Variants in RAD51B observed in about 807,000 individuals in gnomAD.
The protein encoded by RAD51B is DNA repair protein RAD51 homolog 2.
Under a neutral mutation model 42.2 loss-of-function variants are expected in RAD51B, and 38 were observed. That is an observed-to-expected ratio of 0.90 (90% CI 0.70 to 1.18). The LOEUF is 1.18. Among genes scored for constraint, RAD51B ranks in the 50% most tolerant of loss-of-function variants. The pLI is 0.00. For missense variants in RAD51B, 373 were observed against 400.7 expected (o/e 0.93, Z 0.59); for synonymous variants, 154 against 145.2 (o/e 1.06, Z -0.43).
chr14:68,260,398 A>C (rs1263723885), intron 7 of RAD51B, among the ~76,000 whole-genome samples: 1 of 149,616 alleles, frequency 6.7e-6, no homozygotes, highest in Non-Finnish European at 1.5e-5. Flanking sequence ...CTCTATAACA[A>C]AGGAGATTAA....
chr14:68,222,391 T>C (rs532725542), intron 7 of RAD51B, among the ~76,000 whole-genome samples: 121 of 152,232 alleles, frequency 7.9e-4, no homozygotes, highest in African/African-American at 2.9e-3. Context: ...CTCGATGAAA[T>C]TGGAGACTAT....
intron 7 of RAD51B, among the ~76,000 whole-genome samples, chr14:68,157,847 G>A (rs2078546391): frequency 6.6e-6 from 1 of 152,092 alleles, no homozygotes; most frequent in Admixed American, 6.5e-5. Flanking sequence ...GGTAGCTCGT[G>A]GCCATTAGTA....
At chr14:68,650,511 A>C (rs1210077257) in intron 10 of RAD51B, among the ~76,000 whole-genome samples, 2 of 152,218 alleles carry the variant, frequency 1.3e-5, no homozygotes, top group Admixed American at 1.3e-4. Flanking sequence ...ACTTCAAATT[A>C]GAGTGAGATC....
chr14:68,365,432 C>T (rs1259541609), intron 8 of RAD51B, among the ~76,000 whole-genome samples: 2 of 152,224 alleles, frequency 1.3e-5, no homozygotes, highest in African/African-American at 4.8e-5. Context: ...CATGCGTAAA[C>T]ATTATTATCT....
At chr14:68,239,872 T>C (rs76519991) in intron 7 of RAD51B, among the ~76,000 whole-genome samples, 4,472 of 152,304 alleles carry the variant, frequency 0.029, 220 homozygotes, top group African/African-American at 0.1. Context: ...TGTAATTTAA[T>C]ATCTAAATTA....
At chr14:68,337,969 G>GTTTTT (rs2082491867) in intron 8 of RAD51B, among the ~76,000 whole-genome samples, 1 of 150,488 alleles carries the variant, frequency 6.6e-6, no homozygotes, top group Non-Finnish European at 1.5e-5. Flanking sequence ...GTTTTGTTTT[G>GTTTTT]TTTTAAGAGA....
rs745505141 is a variant in RAD51B, at chr14:67,864,961, CTTTTTTTTTTTTTTTTTTTTTT to C, written c.316-24_316-3del. 1.1e-3 allele frequency: 707 copies of C among 645,014 alleles called. 3 individuals are homozygous for C. The highest frequency in any genetic ancestry group is 4.8e-3 in the Admixed American group (42 of 8,816). The allele number at this position is 645,014 out of a possible 1,614,324, so 40.0% of individuals were successfully genotyped here. A position where few individuals can be genotyped will look rare whatever the true frequency, so the allele number is the denominator to read the frequency against. Reference sequence around the variant, plus strand: ...TGGCTTGTGATGTTTATCTAAAAAACTTTTTTTTTTTTTTTTTTTTTTTTTTTTTTTTTTTTTTTAGATTACA... The same window carrying C: ...TGGCTTGTGATGTTTATCTAAAAAACTTTTTTTTTTTTTTTTTAGATTACA... On this transcript the variant is annotated intron_variant, in intron 4 of 10. Coordinates refer to ENST00000471583, the MANE Select transcript of RAD51B (RefSeq NM_133510.4).
chr14:68,602,550 T>TAAC (rs1891270006), intron 10 of RAD51B, among the ~76,000 whole-genome samples: 1 of 146,842 alleles, frequency 6.8e-6, no homozygotes, highest in African/African-American at 2.6e-5. Context: ...AGATAGATAA[T>TAAC]ACATGATAGG....
chr14:68,168,155 A>C (rs934733062), intron 7 of RAD51B, among the ~76,000 whole-genome samples: 2 of 152,130 alleles, frequency 1.3e-5, no homozygotes, highest in Non-Finnish European at 2.9e-5. Context: ...AGATACTCAG[A>C]TAGGAAGAGG....
At chr14:68,257,158 T>C (rs1459530223) in intron 7 of RAD51B, among the ~76,000 whole-genome samples, 2 of 152,156 alleles carry the variant, frequency 1.3e-5, no homozygotes, top group African/African-American at 4.8e-5. Context: ...GGCAAATTCA[T>C]AGATACAGAA....
chr14:68,371,475 G>A (rs557099015), intron 8 of RAD51B, among the ~76,000 whole-genome samples: 4 of 152,102 alleles, frequency 2.6e-5, no homozygotes, highest in African/African-American at 7.2e-5. Context: ...CTGAGATCAC[G>A]CCACTGCATT....
At chr14:68,398,772 G>A (rs2084000511) in intron 8 of RAD51B, among the ~76,000 whole-genome samples, 1 of 152,174 alleles carries the variant, frequency 6.6e-6, no homozygotes, top group African/African-American at 2.4e-5. Context: ...AGGACACAGA[G>A]CCACATCACA....
At chr14:68,558,356 A>C (rs888622003) in intron 10 of RAD51B, among the ~76,000 whole-genome samples, 1 of 152,202 alleles carries the variant, frequency 6.6e-6, no homozygotes, top group Non-Finnish European at 1.5e-5. Context: ...CGGCCACGAG[A>C]GCTATACTCG....
At chr14:68,362,941 GGCAAAT>G (rs1363089574) in intron 8 of RAD51B, among the ~76,000 whole-genome samples, 1 of 152,172 alleles carries the variant, frequency 6.6e-6, no homozygotes, top group Non-Finnish European at 1.5e-5. Context: ...GTTTGTGAAA[GGCAAAT>G]GCCTCTGGGG....
chr14:68,243,811 A>G (rs2080440457), intron 7 of RAD51B, among the ~76,000 whole-genome samples: 2 of 152,172 alleles, frequency 1.3e-5, no homozygotes, highest in Admixed American at 1.3e-4. Context: ...GAAACAACTG[A>G]CCTTTCATTT....
At chr14:68,353,073 G>A (rs1295835332) in intron 8 of RAD51B, among the ~76,000 whole-genome samples, 1 of 152,202 alleles carries the variant, frequency 6.6e-6, no homozygotes, top group African/African-American at 2.4e-5. Context: ...ATGTCAGAAA[G>A]CAAGTTGAAA....
At chr14:68,530,260 G>A (rs1344932978) in intron 10 of RAD51B, among the ~76,000 whole-genome samples, 1 of 151,444 alleles carries the variant, frequency 6.6e-6, no homozygotes, top group South Asian at 2.1e-4. Flanking sequence ...CCTGGGCAAT[G>A]TGGCGAGACC....
At chr14:68,246,636 T>A (rs1324601702) in intron 7 of RAD51B, among the ~76,000 whole-genome samples, 2 of 152,318 alleles carry the variant, frequency 1.3e-5, no homozygotes, top group Middle Eastern at 3.4e-3. Flanking sequence ...CTCTCCTCAG[T>A]GTGACTTTGG....
intron 7 of RAD51B, among the ~76,000 whole-genome samples, chr14:67,891,273 T>G (rs2043210861): frequency 6.6e-6 from 1 of 152,156 alleles, no homozygotes; most frequent in East Asian, 1.9e-4. Flanking sequence ...GGAAATGCCT[T>G]ATTTTCATTG....
Sources: allele counts gnomAD v4.1 joint callset (sites outside exome capture counted in the v4.1 genomes callset), GRCh38; gene constraint gnomAD v4.1.1; transcripts MANE v1.5; gene names NCBI Gene and HGNC (gene_info 2026-07-23, HGNC 2026-07-21).